TNNI3K: variants seen among roughly 807,000 people sequenced by gnomAD.
The protein encoded by TNNI3K is serine/threonine-protein kinase TNNI3K.
TNNI3K carries 140 observed loss-of-function variants against 114.5 expected under a neutral mutation model. The ratio of observed to expected loss-of-function variants is 1.22; its 90% confidence interval spans 1.07 to 1.41. TNNI3K has a LOEUF of 1.41. TNNI3K is among the 40% of genes most tolerant of loss of function. TNNI3K has a pLI of 0.00. For synonymous variants in TNNI3K, 347 were observed against 347.5 expected, an observed-to-expected ratio of 1.00 and a Z score of 0.02; for missense variants, 1,125 against 1,007.6, an observed-to-expected ratio of 1.12 and a Z score of -1.58.
intron 17 of TNNI3K, among the ~76,000 whole-genome samples, chr1:74,418,710 C>T (rs1665252265): frequency 1.3e-5 from 2 of 151,608 alleles, no homozygotes; most frequent in South Asian, 2.1e-4. Context: ...ACCTCCAAAA[C>T]AAAATTCTCC....
intron 23 of TNNI3K, among the ~76,000 whole-genome samples, chr1:74,522,944 A>G (rs945199457): frequency 1.3e-5 from 2 of 152,212 alleles, no homozygotes; most frequent in African/African-American, 2.4e-5. Context: ...TCCAAGCCCA[A>G]CTGCCCACTG....
intron 7 of TNNI3K, among the ~76,000 whole-genome samples, chr1:74,339,157 A>G (rs139771052): frequency 1.3e-5 from 2 of 152,292 alleles, no homozygotes; most frequent in Non-Finnish European, 2.9e-5. Context: ...AGGCATTGAA[A>G]TGTGTAATAC....
intron 20 of TNNI3K, among the ~76,000 whole-genome samples, chr1:74,443,599 A>AT (rs1465951086): frequency 6.6e-6 from 1 of 152,146 alleles, no homozygotes; most frequent in Non-Finnish European, 1.5e-5. Flanking sequence ...AGCTGGTACC[A>AT]TTTTTTCTGA....
At chr1:74,483,307 A>T in intron 21 of TNNI3K, 1 of 717,558 alleles carries the variant, frequency 1.4e-6, no homozygotes, top group Non-Finnish European at 2.6e-6. Context: ...TCTTTGGTGC[A>T]CACCACACAT....
At chr1:74,378,549 A>G (rs1351792213) in intron 17 of TNNI3K, 1 of 145,746 alleles carries the variant, frequency 6.9e-6, no homozygotes, top group Non-Finnish European at 1.5e-5. Context: ...TGTATGGGCC[A>G]GGCATTAGCA....
chr1:74,312,938 G>A (rs45628638), intron 5 of TNNI3K, among the ~76,000 whole-genome samples: 206 of 152,140 alleles, frequency 1.4e-3, no homozygotes, highest in African/African-American at 4.8e-3. Flanking sequence ...TCATCAATGC[G>A]GCCACCTGAG....
intron 20 of TNNI3K, among the ~76,000 whole-genome samples, chr1:74,448,224 A>G (rs1666793438): frequency 8.3e-6 from 1 of 119,930 alleles, no homozygotes; most frequent in South Asian, 3.2e-4. Flanking sequence ...ACTAACCTGC[A>G]CAATGTGCAC....
chr1:74,477,570 T>C (rs1304059603), intron 21 of TNNI3K, among the ~76,000 whole-genome samples: 2 of 152,198 alleles, frequency 1.3e-5, no homozygotes, highest in Non-Finnish European at 2.9e-5. Context: ...TAAGTTTTCT[T>C]TAAGACAAGA....
In TNNI3K at chr1:74,324,121, A is replaced by C. The variant is rs534865291; in HGVS notation, c.445-7329A>C. 5.9e-5 allele frequency among the ~76,000 whole-genome samples: 9 copies of C among 152,380 alleles called. No homozygotes were observed. In the East Asian group the frequency reaches 1.7e-3, roughly 29 times the overall value. On this transcript the variant is annotated intron_variant, in intron 5 of 24. Transcript: ENST00000326637. ...TTAGTCCTGCCCTGACAGGGCTTCAAGATAAAGCTACTTCTTTATCTTGGC... is the reference window on the plus strand; with the variant it reads ...TTAGTCCTGCCCTGACAGGGCTTCACGATAAAGCTACTTCTTTATCTTGGC...
At chr1:74,241,701 A>G (rs1248077635) in intron 2 of TNNI3K, among the ~76,000 whole-genome samples, 2 of 152,082 alleles carry the variant, frequency 1.3e-5, no homozygotes, top group Non-Finnish European at 2.9e-5. Flanking sequence ...AGTAGATTGC[A>G]AAAATTTTCT....
At chr1:74,382,360 A>G (rs1359847551) in intron 17 of TNNI3K, among the ~76,000 whole-genome samples, 2 of 152,214 alleles carry the variant, frequency 1.3e-5, no homozygotes, top group African/African-American at 2.4e-5. Flanking sequence ...ACAACAGTCA[A>G]TGGAGGATTT....
chr1:74,448,236 T>G (rs965782869), intron 20 of TNNI3K, among the ~76,000 whole-genome samples: 1 of 107,064 alleles, frequency 9.3e-6, no homozygotes, highest in Non-Finnish European at 1.8e-5. Flanking sequence ...AATGTGCACA[T>G]GTACCCTAAA....
At chr1:74,511,193 C>T (rs1670199915) in intron 23 of TNNI3K, among the ~76,000 whole-genome samples, 2 of 95,716 alleles carry the variant, frequency 2.1e-5, no homozygotes, top group African/African-American at 1.0e-4. Flanking sequence ...CGTGCCCGGC[C>T]TATTTTTTTT....
chr1:74,341,073 C>T (rs1231427445), intron 7 of TNNI3K, among the ~76,000 whole-genome samples: 1 of 152,142 alleles, frequency 6.6e-6, no homozygotes, highest in Non-Finnish European at 1.5e-5. Context: ...AATTAAGACC[C>T]TGTCTAGATT....
intron 5 of TNNI3K, among the ~76,000 whole-genome samples, chr1:74,274,407 A>G (rs187536070): frequency 4.0e-4 from 61 of 152,058 alleles, no homozygotes; most frequent in Non-Finnish European, 2.8e-4. Context: ...GGTCAACTAT[A>G]ATTGTAGTAA....
intron 21 of TNNI3K, among the ~76,000 whole-genome samples, chr1:74,483,914 G>A (rs183688166): frequency 5.6e-4 from 86 of 152,280 alleles, no homozygotes; most frequent in African/African-American, 1.9e-3. Flanking sequence ...TGAGTATGAT[G>A]TCAAGATTAA....
chr1:74,405,586 A>G (rs1222639678), intron 17 of TNNI3K, among the ~76,000 whole-genome samples: 1 of 152,214 alleles, frequency 6.6e-6, no homozygotes, highest in Non-Finnish European at 1.5e-5. Context: ...TTCATGACAC[A>G]GAGAAAAGCA....
intron 17 of TNNI3K, among the ~76,000 whole-genome samples, chr1:74,385,796 G>T (rs1663444841): frequency 1.3e-5 from 2 of 152,142 alleles, no homozygotes; most frequent in African/African-American, 4.8e-5. Context: ...GTTCTGGTCT[G>T]ATGCAAAAGA....
chr1:74,319,856 G>A (rs2100378944), intron 5 of TNNI3K, among the ~76,000 whole-genome samples: 1 of 152,270 alleles, frequency 6.6e-6, no homozygotes, highest in African/African-American at 2.4e-5. Flanking sequence ...TTGAATAAAA[G>A]TGTGAAAATA....
Sources: allele counts gnomAD v4.1 joint callset (sites outside exome capture counted in the v4.1 genomes callset), GRCh38; gene constraint gnomAD v4.1.1; transcripts MANE v1.5; gene names NCBI Gene and HGNC (gene_info 2026-07-23, HGNC 2026-07-21).